The following GPC5 variants were observed in gnomAD, a reference collection of about 807,000 sequenced individuals.
GPC5 encodes the protein glypican-5.
A neutral mutation model predicts 53.9 loss-of-function variants in GPC5; 47 were observed. The ratio of observed to expected loss-of-function variants is 0.87; its 90% CI spans 0.69 to 1.11. The LOEUF (loss-of-function observed/expected upper bound fraction) is 1.11. GPC5 is among the 50% of genes most tolerant of loss of function. The pLI is 0.00. For synonymous variants in GPC5, 286 were observed against 263.3 expected, an observed-to-expected ratio of 1.09 and a Z score of -0.84; for missense variants, 748 against 713.1, an observed-to-expected ratio of 1.05 and a Z score of -0.56.
In GPC5 at chr13:92,385,365, T is replaced by C. The variant is rs1432042203; in HGVS notation, c.1561+240376T>C. On this transcript the variant is annotated intron_variant, in intron 7 of 7. Coordinates refer to ENST00000377067, the MANE Select transcript of GPC5 (RefSeq NM_004466.6). Reference sequence around the variant, plus strand: ...ATATATACATATATACATATATACATATATATACATATATACATATATATA... The same window carrying C: ...ATATATACATATATACATATATACACATATATACATATATACATATATATA... 1.1e-3 allele frequency among the ~76,000 whole-genome samples: 52 copies of C among 46,750 alleles called. 1 individual carries two copies. The highest frequency in any genetic ancestry group is 2.1e-3 in the Admixed American group (8 of 3,802). The allele number at this position is 46,750 out of a possible 152,430, so 30.7% of individuals were successfully genotyped here.
intron 7 of GPC5, among the ~76,000 whole-genome samples, chr13:92,713,591 G>C (rs1267503609): frequency 7.1e-6 from 1 of 140,722 alleles, no homozygotes; most frequent in African/African-American, 2.7e-5. Flanking sequence ...TTGGACGACA[G>C]AGCGAGACTC....
intron 5 of GPC5, among the ~76,000 whole-genome samples, chr13:91,811,694 T>C (rs1255352995): frequency 6.6e-6 from 1 of 152,188 alleles, no homozygotes; most frequent in Non-Finnish European, 1.5e-5. Context: ...GTCATTGATT[T>C]CTCTGGTACA....
At chr13:91,872,246 G>A (rs999644151) in intron 5 of GPC5, among the ~76,000 whole-genome samples, 1 of 152,040 alleles carries the variant, frequency 6.6e-6, no homozygotes, top group South Asian at 2.1e-4. Context: ...GAGATACCCC[G>A]TGACAGGCTG....
At chr13:92,333,405 C>T (rs1055102543) in intron 7 of GPC5, among the ~76,000 whole-genome samples, 2 of 152,118 alleles carry the variant, frequency 1.3e-5, no homozygotes, top group African/African-American at 4.8e-5. Context: ...TGCCCAATTT[C>T]AGCCACTTGT....
chr13:91,513,375 T>C (rs1006690396), intron 2 of GPC5, among the ~76,000 whole-genome samples: 1 of 152,066 alleles, frequency 6.6e-6, no homozygotes. Context: ...TGTGTGTGTG[T>C]GTGTATTTAG....
intron 1 of GPC5, among the ~76,000 whole-genome samples, chr13:91,439,375 G>A (rs7327768): frequency 0.66 from 100,448 of 152,094 alleles, 33,715 homozygotes; most frequent in African/African-American, 0.76. Flanking sequence ...AAATAGTGCT[G>A]AAATTGAGAG....
At chr13:92,171,000 T>C (rs4773672) in intron 7 of GPC5, among the ~76,000 whole-genome samples, 56,461 of 151,972 alleles carry the variant, frequency 0.37, 10,768 homozygotes, top group South Asian at 0.61. Flanking sequence ...TTATCCTTCA[T>C]GTACTGTGTA....
At chr13:92,563,090 T>C (rs1882748020) in intron 7 of GPC5, among the ~76,000 whole-genome samples, 1 of 152,024 alleles carries the variant, frequency 6.6e-6, no homozygotes, top group Non-Finnish European at 1.5e-5. Context: ...CATTTTTCTA[T>C]AGCAGTCTTA....
chr13:92,548,512 C>A (rs143705914), intron 7 of GPC5, among the ~76,000 whole-genome samples: 4 of 151,500 alleles, frequency 2.6e-5, no homozygotes. Context: ...ATATCCAAGC[C>A]TTTCTTTCTG....
intron 5 of GPC5, among the ~76,000 whole-genome samples, chr13:91,758,207 C>G (rs1273974918): frequency 1.3e-5 from 2 of 151,898 alleles, no homozygotes; most frequent in African/African-American, 2.4e-5. Context: ...TGATAGCATT[C>G]TCATACTTTG....
chr13:91,660,562 A>T (rs1252506659), intron 2 of GPC5, among the ~76,000 whole-genome samples: 1 of 152,196 alleles, frequency 6.6e-6, no homozygotes, highest in Non-Finnish European at 1.5e-5. Context: ...TGACAAATAG[A>T]ATCTATGCAA....
At chr13:91,977,971 G>T (rs992928875) in intron 6 of GPC5, among the ~76,000 whole-genome samples, 1 of 147,288 alleles carries the variant, frequency 6.8e-6, no homozygotes, top group African/African-American at 2.6e-5. Flanking sequence ...AAGAAAGAAA[G>T]AAAGAAAGAA....
chr13:92,820,903 C>A (rs1160097252), intron 7 of GPC5, among the ~76,000 whole-genome samples: 1 of 152,068 alleles, frequency 6.6e-6, no homozygotes, highest in African/African-American at 2.4e-5. Context: ...AATGAGGAGT[C>A]TGAAAAACAG....
At chr13:92,410,729 C>A (rs142199428) in intron 7 of GPC5, among the ~76,000 whole-genome samples, 2 of 152,094 alleles carry the variant, frequency 1.3e-5, no homozygotes, top group Non-Finnish European at 2.9e-5. Flanking sequence ...GAGTTAAAAA[C>A]CGGATTAAAT....
At chr13:91,628,188 C>T (rs532374421) in intron 2 of GPC5, among the ~76,000 whole-genome samples, 17 of 152,112 alleles carry the variant, frequency 1.1e-4, no homozygotes, top group African/African-American at 2.2e-4. Context: ...TTTGCCATAA[C>T]GTGATCTGAT....
chr13:92,829,701 TATAAA>T (rs142152456), intron 7 of GPC5, among the ~76,000 whole-genome samples: 1 of 152,274 alleles, frequency 6.6e-6, no homozygotes, highest in African/African-American at 2.4e-5. Context: ...AAAAAGTGTA[TATAAA>T]ATATTTTAGG....
At chr13:91,839,636 C>T (rs2038761819) in intron 5 of GPC5, among the ~76,000 whole-genome samples, 1 of 152,080 alleles carries the variant, frequency 6.6e-6, no homozygotes, top group East Asian at 1.9e-4. Flanking sequence ...GTCCTTCATC[C>T]TGCAATGCTT....
intron 6 of GPC5, among the ~76,000 whole-genome samples, chr13:92,070,115 G>A: frequency 6.6e-6 from 1 of 152,144 alleles, no homozygotes; most frequent in East Asian, 1.9e-4. Flanking sequence ...AGCGCTGCTG[G>A]AGAGGGCCAC....
chr13:91,911,656 C>T (rs537421555), intron 6 of GPC5, among the ~76,000 whole-genome samples: 2 of 152,224 alleles, frequency 1.3e-5, no homozygotes, highest in East Asian at 3.9e-4. Flanking sequence ...ATGGACCCTG[C>T]ATGCAAGAAT....
Sources: gnomAD v4.1 joint callset for allele counts (sites outside exome capture counted in the v4.1 genomes callset) on GRCh38, gnomAD v4.1.1 for gene constraint, MANE v1.5 for transcripts, NCBI Gene and HGNC (gene_info 2026-07-23, HGNC 2026-07-21) for gene names.